The following PTCD2 variants were observed in gnomAD, a reference collection of about 807,000 sequenced individuals.
PTCD2 encodes pentatricopeptide repeat-containing protein 2, mitochondrial.
In PTCD2, 31 loss-of-function variants were observed where a neutral mutation model predicts 42.6. The observed-to-expected ratio is 0.73, with a 90% confidence interval of 0.55 to 0.98. PTCD2 has a LOEUF of 0.98. Among genes scored for constraint, PTCD2 ranks in the 50% least tolerant of loss-of-function variants. The pLI is 0.00. For missense variants in PTCD2, 476 were observed against 454.8 expected (o/e 1.05, Z -0.42); for synonymous variants, 183 against 170.9 (o/e 1.07, Z -0.55).
chr5:72,353,212 C>T (rs984281153), intron 9 of PTCD2, among the ~76,000 whole-genome samples: 27 of 152,170 alleles, frequency 1.8e-4, no homozygotes, highest in African/African-American at 6.5e-4. Flanking sequence ...GGATACATCT[C>T]TCACACCAGC....
At position 72,365,733 on chromosome 5, in the gene PTCD2, G is replaced by C. The variant is rs1753189013; in HGVS notation, c.*7306G>C. On this transcript the variant is annotated 3_prime_UTR_variant, in exon 10 of 10. Coordinates refer to ENST00000380639, the MANE Select transcript of PTCD2 (RefSeq NM_024754.5). ...TGGCTGCATGCATCATGAGGCTTTGGCCTAAAAAGCTTGTCATTATATAAA... is the reference window on the plus strand; with the variant it reads ...TGGCTGCATGCATCATGAGGCTTTGCCCTAAAAAGCTTGTCATTATATAAA... 6.6e-6 allele frequency: 1 copy of C among 152,076 alleles called. No homozygotes were observed. Among genetic ancestry groups the C allele is most frequent in the African/African-American group, 2.4e-5 (1 of 41,412 alleles). 9.4% of individuals were successfully genotyped at this position (152,076 alleles called of 1,614,324 possible).
At position 72,339,048 on chromosome 5, in the gene PTCD2, C is replaced by T. The variant is rs1280115630; in HGVS notation, c.753+313C>T. Among the ~76,000 whole-genome samples the T allele has an allele frequency of 2.0e-5, 3 of 152,228 alleles. No homozygotes were observed. In the East Asian group the frequency reaches 5.8e-4, roughly 29 times the overall value. ...TCAGAGAACAGTTTAATTTAATGCT[C>T]TCCAAAGTTGAATTAGCCTCAGATG... On this transcript the variant is annotated intron_variant, in intron 7 of 9. Transcript: ENST00000380639.
At chr5:72,349,665 A>G (rs1429633971) in intron 8 of PTCD2, among the ~76,000 whole-genome samples, 1 of 152,130 alleles carries the variant, frequency 6.6e-6, no homozygotes, top group East Asian at 1.9e-4. Context: ...AGTTTTTCTT[A>G]CCAAAATTTC....
intron 2 of PTCD2, among the ~76,000 whole-genome samples, chr5:72,324,031 TA>T (rs1159638882): frequency 6.6e-6 from 1 of 152,164 alleles, no homozygotes; most frequent in East Asian, 1.9e-4. Flanking sequence ...TAATACCATA[TA>T]GGGGGCAAAA....
In PTCD2 at chr5:72,362,765, G is replaced by C. The variant is rs1256200043; in HGVS notation, c.*4338G>C. ...TACGAAAGACTCTACATGCCACAGG[G>C]AAAAGACAGACAAGATCTCTGTCCC... On this transcript the variant is annotated 3_prime_UTR_variant, in exon 10 of 10. Coordinates refer to ENST00000380639, the MANE Select transcript of PTCD2 (RefSeq NM_024754.5). The C allele has an allele frequency of 6.6e-6, 1 of 152,202 alleles. No individual in the cohort carries two copies. The highest frequency in any genetic ancestry group is 2.4e-5 in the African/African-American group (1 of 41,460). The allele number at this position is 152,202 out of a possible 1,614,324, so 9.4% of individuals were successfully genotyped here. A position where few individuals can be genotyped will look rare whatever the true frequency, so the allele number is the denominator to read the frequency against.
chr5:72,347,782 C>T (rs1178812400), intron 8 of PTCD2, among the ~76,000 whole-genome samples: 3 of 151,982 alleles, frequency 2.0e-5, no homozygotes, highest in Non-Finnish European at 4.4e-5. Flanking sequence ...GCCTGCTGAG[C>T]ATGAGGCTGT....
intron 7 of PTCD2, among the ~76,000 whole-genome samples, chr5:72,339,371 T>C (rs186728136): frequency 5.2e-4 from 79 of 152,296 alleles, no homozygotes; most frequent in African/African-American, 1.8e-3. Context: ...ATGTTTCCTA[T>C]GTAGTAAAAG....
intron 8 of PTCD2, among the ~76,000 whole-genome samples, chr5:72,346,795 A>G (rs1752381555): frequency 6.6e-6 from 1 of 152,230 alleles, no homozygotes; most frequent in South Asian, 2.1e-4. Context: ...GATGGGACAG[A>G]ATAGAACTGC....
chr5:72,331,437 C>A, intron 4 of PTCD2, 62 bp downstream of exon 4: 1 of 1,161,992 alleles, frequency 8.6e-7, no homozygotes, highest in Non-Finnish European at 1.3e-6. Context: ...TTGGAAAAGG[C>A]ATGTCTTCTA....
intron 8 of PTCD2, among the ~76,000 whole-genome samples, chr5:72,349,937 AG>A (rs1752539137): frequency 6.6e-6 from 1 of 152,218 alleles, no homozygotes. Context: ...GAGGAAGAGA[AG>A]TTGGGAAAAC....
intron 3 of PTCD2, among the ~76,000 whole-genome samples, chr5:72,327,472 A>ATT (rs11416975): frequency 0.013 from 1,822 of 136,044 alleles, 53 homozygotes; most frequent in African/African-American, 0.042. Context: ...TTTTTAAACT[A>ATT]TTTTTTTTTT....
intron 9 of PTCD2, among the ~76,000 whole-genome samples, chr5:72,355,718 A>C (rs947022945): frequency 6.6e-6 from 1 of 152,234 alleles, no homozygotes; most frequent in African/African-American, 2.4e-5. Context: ...CATGTAACTT[A>C]AGGTGAAAAA....
chr5:72,335,454 T>TC (rs1751687096), intron 5 of PTCD2: 1 of 84,200 alleles, frequency 1.2e-5, no homozygotes, highest in Non-Finnish European at 2.1e-5. Context: ...AGACTCCGTC[T>TC]CAAAAAAAAA....
rs1442852057 is a variant in PTCD2 at position 72,364,289 on chromosome 5, C to T, written c.*5862C>T. 1 of 152,192 alleles carries T rather than the reference C, an allele frequency of 6.6e-6. No individual in the cohort carries two copies. The highest frequency in any genetic ancestry group is 1.5e-5 in the Non-Finnish European group (1 of 68,028). The allele number at this position is 152,192 out of a possible 1,614,324, so 9.4% of individuals were successfully genotyped here. A position where few individuals can be genotyped will look rare whatever the true frequency, so the allele number is the denominator to read the frequency against. ...TGGAGCTTGCATTCTGCAAGAGCAA[C>T]AGACATCAAAAAGATAACTGGGCAA... On this transcript the variant is annotated 3_prime_UTR_variant, in exon 10 of 10. Transcript: ENST00000380639.
rs1373728689 is a variant in PTCD2, at chr5:72,364,790, T to G, written c.*6363T>G. ...GGTCCTGGGTTGGCCAGTGCATTCA[T>G]GTACTGGACCAGGGCCCCTGTATCT... On this transcript the variant is annotated 3_prime_UTR_variant, in exon 10 of 10. Transcript: ENST00000380639. 1 of 152,166 alleles carries G rather than the reference T, an allele frequency of 6.6e-6. No homozygotes were observed. Among genetic ancestry groups the G allele is most frequent in the African/African-American group, 2.4e-5 (1 of 41,434 alleles). 9.4% of individuals were successfully genotyped at this position (152,166 alleles called of 1,614,324 possible). A position where few individuals can be genotyped will look rare whatever the true frequency, so the allele number is the denominator to read the frequency against.
chr5:72,353,488 T>C (rs1752719613), intron 9 of PTCD2, among the ~76,000 whole-genome samples: 1 of 152,116 alleles, frequency 6.6e-6, no homozygotes, highest in Non-Finnish European at 1.5e-5. Context: ...GTAATATGAC[T>C]CCAATAAAAA....
chr5:72,348,404 C>T (rs1015206844), intron 8 of PTCD2, among the ~76,000 whole-genome samples: 2 of 152,228 alleles, frequency 1.3e-5, no homozygotes, highest in African/African-American at 4.8e-5. Context: ...TCTTTTGCTA[C>T]TGTCAACTGA....
rs1753214013 is a variant in PTCD2, at chr5:72,366,720, T to C, written c.*8293T>C. On this transcript the variant is annotated 3_prime_UTR_variant, in exon 10 of 10. Transcript: ENST00000380639. ...TATTGCCTTCACGCAGGTTAAGAAA[T>C]ATTTAGTGTTGAAAGGATACTTTTA... is the stretch of plus-strand genomic sequence containing the variant. 1 of 152,194 alleles carries C rather than the reference T, an allele frequency of 6.6e-6. No homozygotes were observed. The highest frequency in any genetic ancestry group is 1.5e-5 in the Non-Finnish European group (1 of 68,038). 9.4% of individuals were successfully genotyped at this position (152,194 alleles called of 1,614,324 possible). A position where few individuals can be genotyped will look rare whatever the true frequency, so the allele number is the denominator to read the frequency against.
At position 72,326,597 on chromosome 5, in the gene PTCD2, T is replaced by C. The variant is rs753375206; in HGVS notation, c.221-15T>C. On this transcript the variant is annotated splice_polypyrimidine_tract_variant and intron_variant, in intron 2 of 9. Transcript: ENST00000380639. The stretch of plus-strand genomic sequence containing the variant: ...TCAGCCTGAGTGATGGTCACCATAC[T>C]GTGCTTTCTTCCAGAAACGTATTTT... 4 of 1,614,024 alleles carry C rather than the reference T, an allele frequency of 2.5e-6. No homozygotes were observed. The highest frequency in any genetic ancestry group is 3.4e-6 in the Non-Finnish European group (4 of 1,179,956).
Sources: allele counts gnomAD v4.1 joint callset (sites outside exome capture counted in the v4.1 genomes callset), GRCh38; gene constraint gnomAD v4.1.1; transcripts MANE v1.5; gene names NCBI Gene and HGNC (gene_info 2026-07-23, HGNC 2026-07-21).